CFDP1: variants seen among roughly 807,000 people sequenced by gnomAD.
The protein encoded by CFDP1 is heterochromatin-stabilizing protein CFDP1.
In CFDP1, 31 loss-of-function variants were observed where a neutral mutation model predicts 40.1. The observed-to-expected ratio is 0.77, with a 90% CI of 0.58 to 1.04. CFDP1 has a LOEUF of 1.04. CFDP1 is among the 50% of genes least tolerant of loss of function. The probability of loss-of-function intolerance (pLI) is 0.00; values close to 1 mark genes in which losing one functional copy is unlikely to be tolerated. For synonymous variants in CFDP1, 167 were observed against 120.0 expected (o/e 1.39, Z -2.56); for missense variants, 423 against 343.4 (o/e 1.23, Z -1.83).
At chr16:75,357,648 T>C (rs2078653537) in intron 5 of CFDP1, among the ~76,000 whole-genome samples, 1 of 152,278 alleles carries the variant, frequency 6.6e-6, no homozygotes, top group African/African-American at 2.4e-5. Flanking sequence ...CTTCATAGAA[T>C]TGAAGGGTTA....
At chr16:75,312,231 G>C (rs1567641689) in intron 5 of CFDP1, among the ~76,000 whole-genome samples, 1 of 152,166 alleles carries the variant, frequency 6.6e-6, no homozygotes, top group Non-Finnish European at 1.5e-5. Context: ...TAGGGAGCTA[G>C]TTTAACTCCC....
At chr16:75,347,369 A>C (rs1010407060) in intron 5 of CFDP1, among the ~76,000 whole-genome samples, 2 of 149,180 alleles carry the variant, frequency 1.3e-5, no homozygotes, top group Non-Finnish European at 3.0e-5. Flanking sequence ...AAAAAAGAAA[A>C]AGAAAAAGAA....
intron 5 of CFDP1, among the ~76,000 whole-genome samples, chr16:75,316,245 A>G (rs915198387): frequency 3.9e-5 from 6 of 152,216 alleles, no homozygotes; most frequent in Admixed American, 3.9e-4. Flanking sequence ...TCACTTGTAA[A>G]GGTACATTTT....
chr16:75,354,032 C>T (rs2078630257), intron 5 of CFDP1, among the ~76,000 whole-genome samples: 1 of 152,160 alleles, frequency 6.6e-6, no homozygotes, highest in Non-Finnish European at 1.5e-5. Context: ...ACAAACTACT[C>T]TGAGTACCCA....
rs34090500 is a variant in CFDP1 at position 75,405,938 on chromosome 16, GA to G, written c.530+5886del. Among the ~76,000 whole-genome samples the G allele has an allele frequency of 4.2e-3, 611 of 146,006 alleles. 5 individuals carry two copies. Among genetic ancestry groups the G allele is most frequent in the African/African-American group, 0.013 (535 of 39,734 alleles). On this transcript the variant is annotated intron_variant, in intron 4 of 6. Transcript: ENST00000283882. ...CGTCTCCAAAAAAAAAAAGAAAAAA[GA>G]AAAAAAAAATTTATGTAGATGGTCA...
At chr16:75,330,872 T>A (rs1446413074) in intron 5 of CFDP1, among the ~76,000 whole-genome samples, 1 of 151,662 alleles carries the variant, frequency 6.6e-6, no homozygotes, top group Non-Finnish European at 1.5e-5. Flanking sequence ...GTACACTGAG[T>A]CCAAGTAGCA....
At chr16:75,428,201 G>C (rs1008858154) in intron 1 of CFDP1, among the ~76,000 whole-genome samples, 17 of 151,864 alleles carry the variant, frequency 1.1e-4, no homozygotes, top group South Asian at 2.1e-4. Flanking sequence ...ACAACGCTAG[G>C]CATTTAACAA....
chr16:75,379,603 G>A (rs932429613), intron 5 of CFDP1, among the ~76,000 whole-genome samples: 1 of 152,158 alleles, frequency 6.6e-6, no homozygotes, highest in African/African-American at 2.4e-5. Flanking sequence ...GGTTAAGGAG[G>A]GGGTGAGGGC....
chr16:75,393,389 A>G (rs2078968458), intron 5 of CFDP1, among the ~76,000 whole-genome samples: 1 of 152,110 alleles, frequency 6.6e-6, no homozygotes, highest in Non-Finnish European at 1.5e-5. Context: ...AAGAGAGTAT[A>G]CTAGTATAAC....
chr16:75,414,789 T>C, intron 1 of CFDP1, 94 bp from the exon 2 acceptor site: 1 of 808,572 alleles, frequency 1.2e-6, no homozygotes, highest in Non-Finnish European at 2.0e-6. Flanking sequence ...ACCGAGACAT[T>C]TTCATTAAGA....
In CFDP1 at chr16:75,315,331, CAAAAAAAAAAAAAAA is replaced by C. The variant is rs758174791; in HGVS notation, c.651-10164_651-10150del. On this transcript the variant is annotated intron_variant, in intron 5 of 6. Coordinates refer to ENST00000283882, the MANE Select transcript of CFDP1 (RefSeq NM_006324.3). ...TGGGTGACAGAGTGAGACCCTATCT[CAAAAAAAAAAAAAAA>C]AAAAAAAAAAAAAAGAGAAGGGTTT... 6.2e-3 allele frequency among the ~76,000 whole-genome samples: 297 copies of C among 47,816 alleles called. 6 individuals carry two copies. Among genetic ancestry groups the C allele is most frequent in the Admixed American group, 0.023 (56 of 2,478 alleles). 31.4% of individuals were successfully genotyped at this position (47,816 alleles called of 152,430 possible).
chr16:75,422,263 A>AT (rs1190996252), intron 1 of CFDP1, among the ~76,000 whole-genome samples: 19 of 151,342 alleles, frequency 1.3e-4, no homozygotes, highest in Admixed American at 1.3e-4. Flanking sequence ...CACCCGGCTA[A>AT]TTTTTTGTAT....
chr16:75,340,410 T>C (rs921673794), intron 5 of CFDP1, among the ~76,000 whole-genome samples: 1 of 152,244 alleles, frequency 6.6e-6, no homozygotes, highest in African/African-American at 2.4e-5. Context: ...AATAAGATGC[T>C]TGGTTAATAA....
chr16:75,381,838 G>T lies in CFDP1; in HGVS notation c.650+13252C>A, dbSNP rs565230493. 1.1e-4 allele frequency among the ~76,000 whole-genome samples: 17 copies of T among 152,306 alleles called. No homozygotes were observed. The South Asian group carries it at 2.1e-3, about 19-fold the overall frequency. The stretch of plus-strand genomic sequence containing the variant: ...GGACAGAGCAGAGGGAGAATCATCA[G>T]TGTTGAAAAGATGGTTAAAGTTGTA... On this transcript the variant is annotated intron_variant, in intron 5 of 6. Coordinates refer to ENST00000283882, the MANE Select transcript of CFDP1 (RefSeq NM_006324.3).
intron 5 of CFDP1, among the ~76,000 whole-genome samples, chr16:75,346,904 G>C (rs1434816633): frequency 1.3e-5 from 2 of 152,040 alleles, no homozygotes; most frequent in African/African-American, 4.8e-5. Context: ...TGCTTAGCTT[G>C]GGAAAACACA....
At chr16:75,417,316 A>C (rs978845342) in intron 1 of CFDP1, among the ~76,000 whole-genome samples, 1 of 152,228 alleles carries the variant, frequency 6.6e-6, no homozygotes, top group East Asian at 1.9e-4. Context: ...ATTAGAAACA[A>C]CTCAAGTTGT....
intron 5 of CFDP1, among the ~76,000 whole-genome samples, chr16:75,355,980 C>T (rs2078642131): frequency 6.6e-6 from 1 of 152,230 alleles, no homozygotes; most frequent in Non-Finnish European, 1.5e-5. Flanking sequence ...ATTGTATCTG[C>T]AGTTACTTCC....
intron 6 of CFDP1, among the ~76,000 whole-genome samples, chr16:75,303,144 G>A (rs1239502373): frequency 1.4e-5 from 2 of 145,878 alleles, no homozygotes; most frequent in South Asian, 4.4e-4. Context: ...AGGTTGCAGT[G>A]ACCCAAGATC....
chr16:75,412,581 T>C lies in CFDP1; in HGVS notation c.356A>G (p.Asn119Ser), dbSNP rs771282867. ...KEDELWASFL[N>S]DVGPKSKVPP... ...CACTTTTGATTTTGGTCCCACATCA[T>C]TGAGGAAGCTGGCCCAGAGTTCGTC... Residue 119 changes from asparagine (N) to serine (S), a missense_variant, in exon 3 of 7, where the codon AAT becomes AGT. Physicochemically the swap from Asn to Ser is conservative, Grantham distance 46 (BLOSUM62 1). Transcript: ENST00000283882. The C allele has an allele frequency of 1.2e-6, 2 of 1,614,192 alleles. No homozygotes were observed. The highest frequency in any genetic ancestry group is 3.3e-5 in the Admixed American group (2 of 60,020).
Sources: gnomAD v4.1 joint callset for allele counts (sites outside exome capture counted in the v4.1 genomes callset) on GRCh38, gnomAD v4.1.1 for gene constraint, MANE v1.5 for transcripts, NCBI Gene and HGNC (gene_info 2026-07-23, HGNC 2026-07-21) for gene names.